Variants in IGDCC3 observed in about 807,000 individuals in gnomAD.
The protein encoded by IGDCC3 is immunoglobulin superfamily DCC subclass member 3.
Under a neutral mutation model 72.0 loss-of-function variants are expected in IGDCC3, and 47 were observed. The observed-to-expected ratio is 0.65, with a 90% CI of 0.52 to 0.83. The LOEUF (loss-of-function observed/expected upper bound fraction) is 0.83, where lower values mean the gene tolerates loss of function less well. Ranked by LOEUF, IGDCC3 falls within the 40% of genes least tolerant of loss-of-function variation. The pLI is 0.00. For missense variants in IGDCC3, 1,038 were observed against 1,091.3 expected (o/e 0.95, Z 0.69); for synonymous variants, 477 against 472.8 (o/e 1.01, Z -0.11).
intron 2 of IGDCC3, among the ~76,000 whole-genome samples, chr15:65,344,264 C>G (rs2091107025): frequency 6.6e-6 from 1 of 152,096 alleles, no homozygotes. Flanking sequence ...ACTGACCCAT[C>G]TGGGACTTTG....
intron 2 of IGDCC3, among the ~76,000 whole-genome samples, chr15:65,350,547 C>T (rs903680427): frequency 2.5e-4 from 38 of 151,654 alleles, no homozygotes; most frequent in Admixed American, 1.1e-3. Context: ...CTGCAACCTC[C>T]GCCTCCCAAG....
At chr15:65,338,074 C>T (rs1281649010) in intron 2 of IGDCC3, among the ~76,000 whole-genome samples, 1 of 152,206 alleles carries the variant, frequency 6.6e-6, no homozygotes, top group African/African-American at 2.4e-5. Flanking sequence ...ACTCCCTCCT[C>T]CTCCCCTCAG....
At chr15:65,334,891 C>A (rs2091013318) in intron 4 of IGDCC3, 26 bp from the exon 5 acceptor site, 2 of 1,601,434 alleles carry the variant, frequency 1.2e-6, no homozygotes, top group Non-Finnish European at 1.7e-6. Context: ...CACATATCCT[C>A]ACTTCAGCTG....
At chr15:65,375,901 T>C (rs752847806) in intron 1 of IGDCC3, among the ~76,000 whole-genome samples, 2 of 152,180 alleles carry the variant, frequency 1.3e-5, no homozygotes, top group African/African-American at 2.4e-5. Context: ...GCTTGGGTCA[T>C]AGGGTTGTAT....
At chr15:65,338,905 C>A (rs984608037) in intron 2 of IGDCC3, among the ~76,000 whole-genome samples, 1 of 149,118 alleles carries the variant, frequency 6.7e-6, no homozygotes, top group African/African-American at 2.5e-5. Context: ...AGTATTTTTT[C>A]TTTTTTTTTT....
At chr15:65,376,931 A>G (rs2091362505) in intron 1 of IGDCC3, among the ~76,000 whole-genome samples, 1 of 152,092 alleles carries the variant, frequency 6.6e-6, no homozygotes, top group Admixed American at 6.5e-5. Flanking sequence ...AGTGGTGGTG[A>G]CCGAGCTCCA....
At chr15:65,334,597 G>C in intron 5 of IGDCC3, 131 bp downstream of exon 5, 4 of 864,172 alleles carry the variant, frequency 4.6e-6, no homozygotes, top group Non-Finnish European at 6.8e-6. Flanking sequence ...AGGTCACAGG[G>C]ATAGAATGGA....
Position 65,329,190 on chromosome 15 carries a change from A to G in IGDCC3, c.2206-42T>C. 3 of 1,568,928 alleles carry G rather than the reference A, an allele frequency of 1.9e-6. No homozygotes were observed. The highest frequency in any genetic ancestry group is 2.3e-5 in the East Asian group (1 of 44,382). On this transcript the variant is annotated intron_variant, in intron 13 of 13. Transcript: ENST00000327987. This position sits in a 1 kb window ranked among gnomAD's most constrained non-coding sequence, Gnocchi z 4.1. ...TCACACAGGCGTCAGCTTGAGGGCC[A>G]GGGCGCCAGGCTCCAACTCACCCCA... is the stretch of plus-strand genomic sequence containing the variant.
chr15:65,365,139 A>G (rs1006677999), intron 2 of IGDCC3, among the ~76,000 whole-genome samples: 1 of 152,170 alleles, frequency 6.6e-6, no homozygotes, highest in Admixed American at 6.5e-5. Flanking sequence ...ATGAGCACCA[A>G]GGTTTTTCCC....
chr15:65,361,744 G>A (rs979911130), intron 2 of IGDCC3, among the ~76,000 whole-genome samples: 1 of 152,158 alleles, frequency 6.6e-6, no homozygotes, highest in Non-Finnish European at 1.5e-5. Context: ...ACAGTTCGAT[G>A]ACTTGACAGC....
At chr15:65,376,096 T>C (rs1239103934) in intron 1 of IGDCC3, among the ~76,000 whole-genome samples, 1 of 152,208 alleles carries the variant, frequency 6.6e-6, no homozygotes, top group Non-Finnish European at 1.5e-5. Flanking sequence ...TGTGGCCCCA[T>C]TGCCCCTCTC....
At chr15:65,348,933 G>A (rs1441950384) in intron 2 of IGDCC3, among the ~76,000 whole-genome samples, 5 of 152,198 alleles carry the variant, frequency 3.3e-5, no homozygotes, top group African/African-American at 9.7e-5. Context: ...TGATAGGGTT[G>A]CTGGAAAAGA....
intron 6 of IGDCC3, among the ~76,000 whole-genome samples, chr15:65,333,001 G>T (rs1181631609): frequency 1.1e-5 from 1 of 91,370 alleles, no homozygotes; most frequent in Non-Finnish European, 2.4e-5. Flanking sequence ...GACTCCCTGG[G>T]TGGAGGGGTA....
Position 65,328,905 on chromosome 15 carries a change from C to T in IGDCC3, c.*4G>A. The T allele has an allele frequency of 6.6e-7, 1 of 1,521,864 alleles. No homozygotes were observed. Among genetic ancestry groups the T allele is most frequent in the Non-Finnish European group, 8.8e-7 (1 of 1,138,192 alleles). 94.3% of individuals were successfully genotyped at this position (1,521,864 alleles called of 1,614,324 possible). On this transcript the variant is annotated 3_prime_UTR_variant, in exon 14 of 14. Coordinates refer to ENST00000327987, the MANE Select transcript of IGDCC3 (RefSeq NM_004884.4). ...TCCACCCTCTGGAGCCTGCCAGACA[C>T]TGGCTACTGTTCCGAGTGAGCTGGC...
At position 65,334,863 on chromosome 15, in the gene IGDCC3, A is replaced by C; in HGVS notation, c.688T>G (p.Ser230Ala). 1.2e-6 allele frequency: 2 copies of C among 1,610,510 alleles called. No individual in the cohort carries two copies. Among genetic ancestry groups the C allele is most frequent in the Non-Finnish European group, 1.7e-6 (2 of 1,178,688 alleles). The part of the protein sequence containing the change: ...SHGARLTVSG[S>A]GSGAYKEPAI... The stretch of plus-strand genomic sequence containing the variant: ...GGCTCCTTGTAGGCCCCAGAGCCCG[A>C]GCCTGGGAGGAAGACGCCACATATC... Residue 230 changes from serine (S) to alanine (A), a missense_variant and splice_region_variant, in exon 5 of 14, where the codon TCG (serine) becomes GCG (alanine). Ser to Ala is a moderately conservative substitution (Grantham distance 99). Coordinates refer to ENST00000327987, the MANE Select transcript of IGDCC3 (RefSeq NM_004884.4).
At chr15:65,332,248 C>T in intron 6 of IGDCC3, 142 bp from the exon 7 acceptor site, 1 of 977,408 alleles carries the variant, frequency 1.0e-6, no homozygotes, top group South Asian at 1.7e-5. Flanking sequence ...GGAGACTCCT[C>T]CAGGTGGGGC....
chr15:65,359,166 G>A (rs2091245241), intron 2 of IGDCC3, among the ~76,000 whole-genome samples: 1 of 152,202 alleles, frequency 6.6e-6, no homozygotes, highest in African/African-American at 2.4e-5. Flanking sequence ...CCAAGACCAT[G>A]AGTAACTTTA....
chr15:65,377,596 C>T lies in IGDCC3; in HGVS notation c.103+90G>A. 1 of 1,261,582 alleles carries T rather than the reference C, an allele frequency of 7.9e-7. No homozygotes were observed. The highest frequency in any genetic ancestry group is 2.2e-5 in the South Asian group (1 of 44,732). The allele number at this position is 1,261,582 out of a possible 1,614,324, so 78.1% of individuals were successfully genotyped here. ...CCGCCCTCAGGTCCGCGCCGCTCTC[C>T]CCGGGTCCGCCCCTCGCGCCCGCTC... On this transcript the variant is annotated intron_variant, in intron 1 of 13. Transcript: ENST00000327987. The surrounding 1 kb of genome is among the most constrained non-coding windows in gnomAD (Gnocchi z 4.9).
chr15:65,334,128 G>C (rs984556014), intron 5 of IGDCC3, among the ~76,000 whole-genome samples: 2 of 152,038 alleles, frequency 1.3e-5, no homozygotes, highest in African/African-American at 4.8e-5. Flanking sequence ...CTACAATGTG[G>C]CACAGTCTCC....
Sources: gnomAD v4.1 joint callset for allele counts (sites outside exome capture counted in the v4.1 genomes callset) on GRCh38, gnomAD v4.1.1 for gene constraint, Gnocchi (gnomAD v3.1) non-coding constraint, MANE v1.5 for transcripts, NCBI Gene and HGNC (gene_info 2026-07-23, HGNC 2026-07-21) for gene names.